BTLA: variants seen among roughly 807,000 people sequenced by gnomAD.
BTLA encodes B and T lymphocyte associated, also known as B- and T-lymphocyte attenuator.
A neutral mutation model predicts 25.0 loss-of-function variants in BTLA; 11 were observed. That is an observed-to-expected ratio of 0.44 (90% confidence interval 0.28 to 0.73). BTLA has a LOEUF of 0.73. Ranked by LOEUF, BTLA falls within the 30% of genes least tolerant of loss-of-function variation. BTLA has a pLI of 0.15. For synonymous variants in BTLA, 104 were observed against 119.8 expected (o/e 0.87, Z 0.86); for missense variants, 282 against 332.8 (o/e 0.85, Z 1.19).
rs753741102 is a variant in BTLA, at chr3:112,471,278, A to G, written c.481T>C (p.Leu161=). The stretch of plus-strand genomic sequence containing the variant: ...GTGATGAGTAGAGGCAATCCCCCCA[A>G]AGGAAGTAAACGATACAGGAGCCAG... ...RPWLLYRLLP[L]GGLPLLITTC... The change falls in exon 3 of 5, where the codon TTG becomes CTG. Residue 161 remains leucine (L), a synonymous_variant. Coordinates refer to ENST00000334529, the MANE Select transcript of BTLA (RefSeq NM_181780.4). 3.1e-6 allele frequency: 5 copies of G among 1,614,070 alleles called. No homozygotes were observed. Among genetic ancestry groups the G allele is most frequent in the Non-Finnish European group, 4.2e-6 (5 of 1,179,942 alleles).
intron 2 of BTLA, among the ~76,000 whole-genome samples, chr3:112,474,010 G>C (rs1013274851): frequency 2.6e-5 from 4 of 152,090 alleles, no homozygotes; most frequent in African/African-American, 7.2e-5. Flanking sequence ...CCCCAGCTCT[G>C]TCAACTTTTC....
chr3:112,472,269 G>T (rs2082266595), intron 2 of BTLA, among the ~76,000 whole-genome samples: 1 of 152,170 alleles, frequency 6.6e-6, no homozygotes, highest in Non-Finnish European at 1.5e-5. Flanking sequence ...CTGTCTTATG[G>T]TTAAGTATGA....
intron 4 of BTLA, 56 bp downstream of exon 4, chr3:112,469,702 A>T: frequency 6.9e-7 from 1 of 1,443,468 alleles, no homozygotes; most frequent in Non-Finnish European, 9.6e-7. Context: ...TTGAATAAAT[A>T]AATAAACACA....
Position 112,471,505 on chromosome 3 carries a change from T to C in BTLA, c.404-150A>G, listed in dbSNP as rs2082261821. The C allele has an allele frequency of 6.0e-6, 5 of 839,000 alleles. No homozygotes were observed. The East Asian group carries it at 1.1e-4, about 18-fold the overall frequency. 52.0% of individuals were successfully genotyped at this position (839,000 alleles called of 1,614,324 possible). ...CAGAGGCATTCCTCAAGAATCCCAGTGCCCTCAGCCACCTCTTGCTTTCTT... is the reference window on the plus strand; with the variant it reads ...CAGAGGCATTCCTCAAGAATCCCAGCGCCCTCAGCCACCTCTTGCTTTCTT... On this transcript the variant is annotated intron_variant, in intron 2 of 4. Transcript: ENST00000334529.
chr3:112,473,879 G>A (rs1193290541), intron 2 of BTLA, among the ~76,000 whole-genome samples: 1 of 152,076 alleles, frequency 6.6e-6, no homozygotes, highest in Non-Finnish European at 1.5e-5. Context: ...GCCTCCCAAA[G>A]TGCTAGGATT....
chr3:112,493,516 T>C (rs1030084654), intron 1 of BTLA, among the ~76,000 whole-genome samples: 2 of 152,060 alleles, frequency 1.3e-5, no homozygotes, highest in African/African-American at 4.8e-5. Flanking sequence ...TTCTCTCTGT[T>C]TTTTTTTGGA....
chr3:112,466,092 G>A lies in BTLA; in HGVS notation c.*16C>T. ...TGCTGATCATTCAATGGTCCCTGTT[G>A]GAGTCAGAAACAGACTTAACTCCTC... On this transcript the variant is annotated 3_prime_UTR_variant, in exon 5 of 5. Transcript: ENST00000334529. The A allele has an allele frequency of 6.4e-7, 1 of 1,563,712 alleles. No individual in the cohort carries two copies. Among genetic ancestry groups the A allele is most frequent in the Non-Finnish European group, 8.7e-7 (1 of 1,146,294 alleles).
At chr3:112,477,861 C>T (rs1344624369) in intron 2 of BTLA, among the ~76,000 whole-genome samples, 2 of 152,008 alleles carry the variant, frequency 1.3e-5, no homozygotes, top group Non-Finnish European at 2.9e-5. Flanking sequence ...ATTATCCTGG[C>T]ACCATTTATT....
chr3:112,475,287 G>C (rs1404105325), intron 2 of BTLA, among the ~76,000 whole-genome samples: 1 of 152,110 alleles, frequency 6.6e-6, no homozygotes, highest in East Asian at 1.9e-4. Context: ...AACTAAGAGA[G>C]TAGAAATGTT....
At chr3:112,476,041 A>G (rs1029861929) in intron 2 of BTLA, among the ~76,000 whole-genome samples, 1 of 152,194 alleles carries the variant, frequency 6.6e-6, no homozygotes, top group African/African-American at 2.4e-5. Flanking sequence ...TGTGCTTTGC[A>G]TATACTATGT....
chr3:112,491,857 T>A (rs1263115794), intron 1 of BTLA, among the ~76,000 whole-genome samples: 1 of 152,082 alleles, frequency 6.6e-6, no homozygotes, highest in Non-Finnish European at 1.5e-5. Context: ...CAGTGGTGCA[T>A]AATAACTAGT....
intron 4 of BTLA, among the ~76,000 whole-genome samples, chr3:112,467,156 T>G (rs1367029263): frequency 6.6e-6 from 1 of 152,182 alleles, no homozygotes. Flanking sequence ...GAGACGGGGT[T>G]TCACCATTTT....
chr3:112,494,768 G>A (rs561386821), intron 1 of BTLA, among the ~76,000 whole-genome samples: 50 of 152,260 alleles, frequency 3.3e-4, no homozygotes, highest in Admixed American at 9.8e-4. Context: ...TAGGGGGAGA[G>A]GAGAGGGAAC....
chr3:112,494,160 T>A (rs566386923), intron 1 of BTLA, among the ~76,000 whole-genome samples: 4 of 150,870 alleles, frequency 2.7e-5, no homozygotes, highest in Non-Finnish European at 5.9e-5. Flanking sequence ...GAATAAAAGC[T>A]CAACATCACT....
intron 2 of BTLA, among the ~76,000 whole-genome samples, chr3:112,479,132 G>A (rs184862315): frequency 9.2e-5 from 14 of 151,476 alleles, no homozygotes; most frequent in African/African-American, 2.2e-4. Context: ...AGAGCTATTC[G>A]CAACTATAGG....
In BTLA at chr3:112,466,002, G is replaced by A. The variant is rs1321791472; in HGVS notation, c.*106C>T. 2 of 1,284,498 alleles carry A rather than the reference G, an allele frequency of 1.6e-6. No homozygotes were observed. The highest frequency in any genetic ancestry group is 2.1e-6 in the Non-Finnish European group (2 of 942,234). The allele number at this position is 1,284,498 out of a possible 1,614,324, so 79.6% of individuals were successfully genotyped here. On this transcript the variant is annotated 3_prime_UTR_variant, in exon 5 of 5. Coordinates refer to ENST00000334529, the MANE Select transcript of BTLA (RefSeq NM_181780.4). ...AAGCACTAACATGAACATTTCTAAA[G>A]TAAAAATTCTCAAATTGAGAAATAT...
chr3:112,464,425 A>T lies in BTLA; in HGVS notation c.*1683T>A. ...ATTTTTAAGAATACCACAAGCAGCTATTCTAACATGTCTTTCTTACATAAG... is the reference window on the plus strand; with the variant it reads ...ATTTTTAAGAATACCACAAGCAGCTTTTCTAACATGTCTTTCTTACATAAG... On this transcript the variant is annotated 3_prime_UTR_variant, in exon 5 of 5. Transcript: ENST00000334529. 1 of 332,414 alleles carries T rather than the reference A, an allele frequency of 3.0e-6. No individual in the cohort carries two copies. Among genetic ancestry groups the T allele is most frequent in the Non-Finnish European group, 5.5e-6 (1 of 183,180 alleles). The allele number at this position is 332,414 out of a possible 1,614,324, so 20.6% of individuals were successfully genotyped here. A position where few individuals can be genotyped will look rare whatever the true frequency, so the allele number is the denominator to read the frequency against.
At chr3:112,487,360 G>A (rs953775787) in intron 1 of BTLA, among the ~76,000 whole-genome samples, 3 of 152,158 alleles carry the variant, frequency 2.0e-5, no homozygotes, top group African/African-American at 7.2e-5. Context: ...CAGGGCGGGC[G>A]GATCACCAGA....
intron 1 of BTLA, among the ~76,000 whole-genome samples, chr3:112,480,877 A>C (rs2082314504): frequency 6.6e-6 from 1 of 152,206 alleles, no homozygotes; most frequent in Non-Finnish European, 1.5e-5. Context: ...GTTTTAATTT[A>C]TTGCAGAATC....
Sources: gnomAD v4.1 joint callset for allele counts (sites outside exome capture counted in the v4.1 genomes callset) on GRCh38, gnomAD v4.1.1 for gene constraint, MANE v1.5 for transcripts, NCBI Gene and HGNC (gene_info 2026-07-23, HGNC 2026-07-21) for gene names.